The following C7 variants were observed in gnomAD, a reference collection of about 807,000 sequenced individuals.
The protein encoded by C7 is complement C7.
Under a neutral mutation model 104.8 loss-of-function variants are expected in C7, and 83 were observed. The observed-to-expected ratio is 0.79, with a 90% CI of 0.66 to 0.95. The LOEUF (loss-of-function observed/expected upper bound fraction) is 0.95, where lower values mean the gene tolerates loss of function less well. Among genes scored for constraint, C7 ranks in the 40% least tolerant of loss-of-function variants. The pLI is 0.00. For synonymous variants in C7, 415 were observed against 360.6 expected, an observed-to-expected ratio of 1.15 and a Z score of -1.71; for missense variants, 1,070 against 1,011.2, an observed-to-expected ratio of 1.06 and a Z score of -0.79.
chr5:40,977,674 C>T (rs1740848093), intron 16 of C7, among the ~76,000 whole-genome samples: 1 of 152,176 alleles, frequency 6.6e-6, no homozygotes, highest in Admixed American at 6.5e-5. Flanking sequence ...TCCTGCTAGT[C>T]AGTGCTCACC....
chr5:40,973,097 G>A (rs1224837551), intron 15 of C7, among the ~76,000 whole-genome samples: 2 of 152,128 alleles, frequency 1.3e-5, no homozygotes, highest in Non-Finnish European at 2.9e-5. Flanking sequence ...AAGGAAAAGT[G>A]TTGTGATTCA....
rs1561253202 is a variant in C7 at position 40,959,444 on chromosome 5, T to C, written c.1490-5T>C. ...TTATTGATCAACCTCTTTCTCATCTTGTAGGAGGGGTTGATGGAGGTTGGA... is the reference window on the plus strand; with the variant it reads ...TTATTGATCAACCTCTTTCTCATCTCGTAGGAGGGGTTGATGGAGGTTGGA... On this transcript the variant is annotated splice_polypyrimidine_tract_variant and splice_region_variant and intron_variant, in intron 11 of 17. Coordinates refer to ENST00000313164, the MANE Select transcript of C7 (RefSeq NM_000587.4). The C allele has an allele frequency of 3.1e-6, 5 of 1,608,328 alleles. No homozygotes were observed.
chr5:40,945,132 A>C, intron 6 of C7, 66 bp from the exon 7 acceptor site: 3 of 838,304 alleles, frequency 3.6e-6, no homozygotes, highest in Non-Finnish European at 5.6e-6. Flanking sequence ...TTGCATGAAG[A>C]AAGTATGCAT....
intron 6 of C7, among the ~76,000 whole-genome samples, chr5:40,938,479 A>C (rs950257506): frequency 3.3e-5 from 5 of 152,108 alleles, no homozygotes; most frequent in African/African-American, 1.2e-4. Context: ...AATGCCTTGA[A>C]CATTCTTGTG....
chr5:40,963,730 C>A (rs2111679903), intron 13 of C7, among the ~76,000 whole-genome samples: 1 of 152,198 alleles, frequency 6.6e-6, no homozygotes, highest in East Asian at 1.9e-4. Flanking sequence ...TTCATCCATC[C>A]CCAGGCTCAG....
intron 11 of C7, among the ~76,000 whole-genome samples, chr5:40,959,088 G>C (rs895736999): frequency 1.3e-5 from 2 of 152,144 alleles, no homozygotes; most frequent in Admixed American, 1.3e-4. Flanking sequence ...TGTTAAAATG[G>C]AAGCACACTC....
intron 16 of C7, 113 bp downstream of exon 16, chr5:40,976,953 CTTTG>C (rs1740832636): frequency 1.3e-6 from 1 of 797,930 alleles, no homozygotes; most frequent in East Asian, 2.8e-5. Context: ...AGTTAAGGGT[CTTTG>C]TTTGCATTTC....
chr5:40,940,702 A>G (rs576091120), intron 6 of C7, among the ~76,000 whole-genome samples: 11 of 152,314 alleles, frequency 7.2e-5, no homozygotes, highest in African/African-American at 2.2e-4. Context: ...TCTCACATAT[A>G]AGAACGCTTT....
chr5:40,954,251 T>C (rs1365073753), intron 9 of C7, among the ~76,000 whole-genome samples: 2 of 152,140 alleles, frequency 1.3e-5, no homozygotes, highest in African/African-American at 4.8e-5. Context: ...TTAAAACATA[T>C]AGACAAGAAT....
intron 1 of C7, among the ~76,000 whole-genome samples, chr5:40,918,187 C>G (rs997327194): frequency 1.3e-5 from 2 of 151,600 alleles, no homozygotes; most frequent in African/African-American, 4.9e-5. Context: ...GTGGCCCTAT[C>G]TCTACAATAA....
At chr5:40,942,513 G>A (rs115847172) in intron 6 of C7, among the ~76,000 whole-genome samples, 2,110 of 152,238 alleles carry the variant, frequency 0.014, 52 homozygotes, top group African/African-American at 0.048. Context: ...CTCTGAAGAT[G>A]GGAGTTTTTG....
In C7 at chr5:40,981,690, C is replaced by A; in HGVS notation, c.*117C>A. 1.3e-6 allele frequency: 1 copy of A among 767,000 alleles called. No individual in the cohort carries two copies. Among genetic ancestry groups the A allele is most frequent in the Non-Finnish European group, 2.1e-6 (1 of 483,236 alleles). 47.5% of individuals were successfully genotyped at this position (767,000 alleles called of 1,614,324 possible). On this transcript the variant is annotated 3_prime_UTR_variant, in exon 18 of 18. Transcript: ENST00000313164. ...TCCTTCTTCTCCAGTGTCTACCTTC[C>A]TCCTCAACTCCCAGCCATCTGTATA...
chr5:40,943,543 A>G (rs765111095), intron 6 of C7, among the ~76,000 whole-genome samples: 1 of 151,228 alleles, frequency 6.6e-6, no homozygotes, highest in Non-Finnish European at 1.5e-5. Context: ...GGATATAAAG[A>G]CAGGCGGAAA....
chr5:40,949,373 A>C (rs552925544), intron 8 of C7, among the ~76,000 whole-genome samples: 28 of 150,416 alleles, frequency 1.9e-4, no homozygotes, highest in South Asian at 1.5e-3. Context: ...AAAAAAAAAA[A>C]CACAAAAAAC....
At chr5:40,970,783 A>T (rs1184348854) in intron 14 of C7, among the ~76,000 whole-genome samples, 1 of 151,966 alleles carries the variant, frequency 6.6e-6, no homozygotes, top group Non-Finnish European at 1.5e-5. Flanking sequence ...GACAGGCCAC[A>T]GTGTGTGATG....
chr5:40,928,436 G>C, intron 1 of C7, 144 bp from the exon 2 acceptor site: 1 of 584,746 alleles, frequency 1.7e-6, no homozygotes, highest in East Asian at 3.1e-5. Context: ...TATGTTAACT[G>C]GCTTGATGAA....
chr5:40,979,735 G>A lies in C7; in HGVS notation c.2176G>A (p.Asp726Asn), dbSNP rs1561262611. ...AAAAATTCTTTTCAGACCTTCCTTG[G>A]ATGTATGTGCTCAAGATGAGAGAAG... is the stretch of plus-strand genomic sequence containing the variant. ...KMPYECGPSL[D>N]VCAQDERSKR... is the part of the protein sequence containing the mutation. The change falls in exon 17 of 18, where the codon GAT becomes AAT. Residue 726 changes from aspartate (D) to asparagine (N), a missense_variant. Coordinates refer to ENST00000313164, the MANE Select transcript of C7 (RefSeq NM_000587.4). 4 of 1,610,980 alleles carry A rather than the reference G, an allele frequency of 2.5e-6. No homozygotes were observed. The highest frequency in any genetic ancestry group is 1.7e-4 in the Middle Eastern group (1 of 6,000).
chr5:40,937,834 G>T, intron 6 of C7, 144 bp downstream of exon 6: 1 of 721,266 alleles, frequency 1.4e-6, no homozygotes, highest in Non-Finnish European at 2.2e-6. Flanking sequence ...GACTTAAAAA[G>T]TATACACAGT....
rs560054261 is a variant in C7 at position 40,914,563 on chromosome 5, C to T, written c.6+4947C>T. Among the ~76,000 whole-genome samples, 6 of 152,086 alleles carry T rather than the reference C, an allele frequency of 3.9e-5. No homozygotes were observed. In the East Asian group the frequency reaches 1.2e-3, roughly 29 times the overall value. ...TAGACCAATGTCCAGAAGAGTTTTC[C>T]CTAGGTTTTCTTCTAGTGTTTTTAT... On this transcript the variant is annotated intron_variant, in intron 1 of 17. Coordinates refer to ENST00000313164, the MANE Select transcript of C7 (RefSeq NM_000587.4).
Sources: gnomAD v4.1 joint callset for allele counts (sites outside exome capture counted in the v4.1 genomes callset) on GRCh38, gnomAD v4.1.1 for gene constraint, MANE v1.5 for transcripts, NCBI Gene and HGNC (gene_info 2026-07-23, HGNC 2026-07-21) for gene names.